The following L3MBTL4 variants were observed in gnomAD, a reference collection of about 807,000 sequenced individuals.
The protein encoded by L3MBTL4 is lethal(3)malignant brain tumor-like protein 4.
In L3MBTL4, 70 loss-of-function variants were observed where a neutral mutation model predicts 84.5. That is an observed-to-expected ratio of 0.83 (90% confidence interval 0.68 to 1.01). The LOEUF (loss-of-function observed/expected upper bound fraction) is 1.01, where lower values mean the gene tolerates loss of function less well. Ranked by LOEUF, L3MBTL4 falls within the 50% of genes least tolerant of loss-of-function variation. The pLI, the probability that L3MBTL4 is intolerant of heterozygous loss-of-function variation, is 0.00. For synonymous variants in L3MBTL4, 274 were observed against 259.8 expected (o/e 1.05, Z -0.52); for missense variants, 715 against 754.8 (o/e 0.95, Z 0.62).
chr18:6,141,057 T>C (rs1208280074), intron 13 of L3MBTL4, among the ~76,000 whole-genome samples: 1 of 149,206 alleles, frequency 6.7e-6, no homozygotes, highest in Non-Finnish European at 1.5e-5. Context: ...ACTCACCTAT[T>C]CCGCAAGCAC....
At chr18:6,071,636 A>G (rs2057605216) in intron 16 of L3MBTL4, among the ~76,000 whole-genome samples, 1 of 150,342 alleles carries the variant, frequency 6.7e-6, no homozygotes. Flanking sequence ...GATCCCATAA[A>G]AAAGAAAGAA....
At chr18:6,039,685 T>C (rs2056312717) in intron 16 of L3MBTL4, among the ~76,000 whole-genome samples, 1 of 152,238 alleles carries the variant, frequency 6.6e-6, no homozygotes, top group African/African-American at 2.4e-5. Flanking sequence ...ACAGTGACAC[T>C]TGACCAGCGT....
chr18:6,135,413 T>G (rs777948657), intron 14 of L3MBTL4, among the ~76,000 whole-genome samples: 123 of 152,328 alleles, frequency 8.1e-4, no homozygotes, highest in Non-Finnish European at 1.5e-3. Flanking sequence ...TTTTCTTTTC[T>G]ACTGCATCAT....
At chr18:6,175,824 A>G (rs2044202561) in intron 12 of L3MBTL4, among the ~76,000 whole-genome samples, 1 of 152,188 alleles carries the variant, frequency 6.6e-6, no homozygotes, top group African/African-American at 2.4e-5. Flanking sequence ...ATGTAGTGCA[A>G]TTAGGCAAGA....
At chr18:5,997,274 G>A (rs1488314700) in intron 16 of L3MBTL4, among the ~76,000 whole-genome samples, 1 of 150,490 alleles carries the variant, frequency 6.6e-6, no homozygotes, top group Non-Finnish European at 1.5e-5. Flanking sequence ...TGTGAACTAT[G>A]TCAGGCAAAC....
At chr18:5,963,627 T>C (rs2052179596) in intron 17 of L3MBTL4, among the ~76,000 whole-genome samples, 1 of 152,260 alleles carries the variant, frequency 6.6e-6, no homozygotes, top group Non-Finnish European at 1.5e-5. Flanking sequence ...TGAACTGTAT[T>C]AAGCAGACTT....
At chr18:6,006,310 G>T (rs1304023733) in intron 16 of L3MBTL4, among the ~76,000 whole-genome samples, 2 of 152,152 alleles carry the variant, frequency 1.3e-5, no homozygotes, top group Non-Finnish European at 2.9e-5. Flanking sequence ...GAGAACACTG[G>T]AGAAAAAAGG....
In L3MBTL4 at chr18:5,976,131, C is replaced by G. The variant is rs142080587; in HGVS notation, c.1445-6569G>C. Among the ~76,000 whole-genome samples the G allele has an allele frequency of 2.8e-3, 434 of 152,330 alleles. 3 individuals carry two copies. The highest frequency in any genetic ancestry group is 4.6e-3 in the Non-Finnish European group (316 of 68,042). On this transcript the variant is annotated intron_variant, in intron 16 of 18. Transcript: ENST00000317931. ...CCAATAACAGTAGCCACTAGCCACA[C>G]TACAGAGCACCTGAAATGTGAAGCG...
At chr18:6,079,626 T>C (rs560708230) in intron 16 of L3MBTL4, among the ~76,000 whole-genome samples, 1 of 152,358 alleles carries the variant, frequency 6.6e-6, no homozygotes, top group South Asian at 2.1e-4. Context: ...CAAAATTGTG[T>C]ATCTGTTTGA....
At chr18:6,218,085 A>C (rs1035508766) in intron 10 of L3MBTL4, among the ~76,000 whole-genome samples, 1 of 152,054 alleles carries the variant, frequency 6.6e-6, no homozygotes, top group Admixed American at 6.6e-5. Context: ...TTTATGTTTC[A>C]ATAAGTATTT....
chr18:6,349,048 G>A (rs1440211079), intron 1 of L3MBTL4, among the ~76,000 whole-genome samples: 2 of 152,180 alleles, frequency 1.3e-5, no homozygotes, highest in African/African-American at 4.8e-5. Context: ...AACACCAAGT[G>A]CTAGACAGAA....
intron 1 of L3MBTL4, among the ~76,000 whole-genome samples, chr18:6,378,469 T>G (rs769431494): frequency 2.0e-5 from 3 of 152,228 alleles, no homozygotes; most frequent in African/African-American, 4.8e-5. Context: ...GTTTAAGTTT[T>G]TAATCCATCT....
Position 6,248,115 on chromosome 18 carries a change from T to TC in L3MBTL4, c.220-3528dup, listed in dbSNP as rs201796263. Among the ~76,000 whole-genome samples the TC allele has an allele frequency of 8.6e-3, 1,313 of 151,916 alleles. 12 individuals are homozygous for TC. The highest frequency in any genetic ancestry group is 0.031 in the Middle Eastern group (9 of 290). Reference sequence around the variant, plus strand: ...TTCAAACAGATATGTCTAAGACTAATCCCCCCCCAAAAGGTTTGTTCTGCC... The same window carrying TC: ...TTCAAACAGATATGTCTAAGACTAATCCCCCCCCCAAAAGGTTTGTTCTGCC... On this transcript the variant is annotated intron_variant, in intron 5 of 18. Coordinates refer to ENST00000317931, the MANE Select transcript of L3MBTL4 (RefSeq NM_001330559.2).
chr18:6,188,972 A>G (rs752337252), intron 12 of L3MBTL4, among the ~76,000 whole-genome samples: 3 of 152,250 alleles, frequency 2.0e-5, no homozygotes, highest in Non-Finnish European at 2.9e-5. Context: ...TAGGTCCACC[A>G]TAACAAAATT....
rs750558582 is a variant in L3MBTL4, at chr18:6,093,538, A to G, written c.1200-10T>C. ...CGGGCAGCCAAAAGCACTGGTTTGT[A>G]TAAAAATGAGAGCACAGTCATCAGT... On this transcript the variant is annotated splice_polypyrimidine_tract_variant and intron_variant, in intron 14 of 18. Coordinates refer to ENST00000317931, the MANE Select transcript of L3MBTL4 (RefSeq NM_001330559.2). 6.2e-7 allele frequency: 1 copy of G among 1,609,384 alleles called. No individual in the cohort carries two copies. Among genetic ancestry groups the G allele is most frequent in the East Asian group, 2.2e-5 (1 of 44,814 alleles).
intron 4 of L3MBTL4, 139 bp downstream of exon 4, chr18:6,301,764 A>G (rs2050348428): frequency 2.8e-6 from 2 of 709,688 alleles, no homozygotes; most frequent in African/African-American, 1.8e-5. Flanking sequence ...GCAGAAGAGT[A>G]TGCAATACCC....
intron 13 of L3MBTL4, among the ~76,000 whole-genome samples, chr18:6,164,322 G>A (rs1021786067): frequency 5.9e-5 from 9 of 152,256 alleles, no homozygotes; most frequent in African/African-American, 1.9e-4. Context: ...TGACAGCTTT[G>A]AAGAGAGTAG....
chr18:6,367,410 G>A (rs1183293645), intron 1 of L3MBTL4: 2 of 152,184 alleles, frequency 1.3e-5, no homozygotes, highest in Non-Finnish European at 2.9e-5. Context: ...GCTGAGAACA[G>A]GCTTCCCACC....
chr18:6,038,870 C>T (rs1019804378), intron 16 of L3MBTL4, among the ~76,000 whole-genome samples: 3 of 151,828 alleles, frequency 2.0e-5, no homozygotes, highest in African/African-American at 7.3e-5. Flanking sequence ...AATCTTAACC[C>T]CCTACGGTTT....
Sources: gnomAD v4.1 joint callset for allele counts (sites outside exome capture counted in the v4.1 genomes callset) on GRCh38, gnomAD v4.1.1 for gene constraint, MANE v1.5 for transcripts, NCBI Gene and HGNC (gene_info 2026-07-23, HGNC 2026-07-21) for gene names.